Variants in CRY1 observed in about 807,000 individuals in gnomAD.
CRY1 encodes the protein cryptochrome circadian regulator 1, also known as cryptochrome-1.
A neutral mutation model predicts 76.0 loss-of-function variants in CRY1; 45 were observed. That is an observed-to-expected ratio of 0.59 (90% CI 0.47 to 0.76). CRY1 has a LOEUF of 0.76. Ranked by LOEUF, CRY1 falls within the 30% of genes least tolerant of loss-of-function variation. The pLI is 0.00. For synonymous variants in CRY1, 248 were observed against 244.0 expected, an observed-to-expected ratio of 1.02 and a Z score of -0.15; for missense variants, 587 against 716.4, an observed-to-expected ratio of 0.82 and a Z score of 2.06.
chr12:106,997,846 T>C (rs763365981), intron 8 of CRY1, 69 bp downstream of exon 8: 113 of 1,570,800 alleles, frequency 7.2e-5, no homozygotes, highest in Admixed American at 1.8e-5. Context: ...ACTTTAAGCA[T>C]TGATTAAACA....
chr12:107,045,308 C>A (rs1190296756), intron 1 of CRY1, among the ~76,000 whole-genome samples: 1 of 152,064 alleles, frequency 6.6e-6, no homozygotes, highest in African/African-American at 2.4e-5. Context: ...GAAATAAAAT[C>A]TTTCCCAGAC....
At chr12:107,001,191 CTATT>C (rs1566241953) in intron 5 of CRY1, 85 bp downstream of exon 5, 4 of 950,802 alleles carry the variant, frequency 4.2e-6, no homozygotes, top group South Asian at 1.6e-5. Context: ...TTTCAACAAT[CTATT>C]TGTTATTTTT....
chr12:107,080,949 A>T (rs897305648), intron 1 of CRY1, among the ~76,000 whole-genome samples: 1 of 152,114 alleles, frequency 6.6e-6, no homozygotes, highest in Non-Finnish European at 1.5e-5. Context: ...ATTTGATCTT[A>T]AGCATGTTTA....
At position 107,045,583 on chromosome 12, in the gene CRY1, G is replaced by A. The variant is rs146142247; in HGVS notation, c.159-23391C>T. 2.9e-3 allele frequency among the ~76,000 whole-genome samples: 437 copies of A among 152,294 alleles called. 5 individuals carry two copies. The East Asian group carries it at 0.044, about 15-fold the overall frequency. ...AAGTCCTTGCCCATGCCTATGTCCC[G>A]AATGGTATTGCCTAGGTTTTCTTCT... On this transcript the variant is annotated intron_variant, in intron 1 of 12. Transcript: ENST00000008527.
intron 1 of CRY1, among the ~76,000 whole-genome samples, chr12:107,036,685 CT>C (rs935480083): frequency 3.3e-5 from 5 of 152,012 alleles, no homozygotes; most frequent in African/African-American, 1.2e-4. Flanking sequence ...TACTACTCTC[CT>C]TCTCACTCAC....
chr12:107,083,252 C>G (rs950834555), intron 1 of CRY1, among the ~76,000 whole-genome samples: 2 of 152,168 alleles, frequency 1.3e-5, no homozygotes, highest in African/African-American at 4.8e-5. Flanking sequence ...CAGCCAAATT[C>G]TACCAGAGGT....
rs773500175 is a variant in CRY1, at chr12:107,092,989, G to T, written c.-28C>A. 4 of 1,507,836 alleles carry T rather than the reference G, an allele frequency of 2.7e-6. No individual in the cohort carries two copies. The highest frequency in any genetic ancestry group is 4.7e-5 in the East Asian group (2 of 42,986). 93.4% of individuals were successfully genotyped at this position (1,507,836 alleles called of 1,614,324 possible). On this transcript the variant is annotated 5_prime_UTR_variant, in exon 1 of 13. Transcript: ENST00000008527. ...CGGGGGGCGCGGCGGGTCCTCCACG[G>T]AGAAATTCAAGGAAGGAGGCTCCGG...
chr12:107,015,381 C>G (rs1353693726), intron 2 of CRY1, among the ~76,000 whole-genome samples: 1 of 151,520 alleles, frequency 6.6e-6, no homozygotes, highest in Non-Finnish European at 1.5e-5. Flanking sequence ...ACTCTGTTGC[C>G]CAGGCTGGAG....
rs1161673914 is a variant in CRY1 at position 107,093,547 on chromosome 12, T to TCTGCCG, written c.-587_-586insCGGCAG. ...CCGGTCCCGAGGCTGCCCGGGTGAC[T>TCTGCCG]CTGCCGCCGCCGCCGCGTCAGCGGC... On this transcript the variant is annotated 5_prime_UTR_variant, in exon 1 of 13. Transcript: ENST00000008527. 1.3e-5 allele frequency: 2 copies of TCTGCCG among 152,328 alleles called. No individual in the cohort carries two copies. The highest frequency in any genetic ancestry group is 2.9e-5 in the Non-Finnish European group (2 of 68,144). 9.4% of individuals were successfully genotyped at this position (152,328 alleles called of 1,614,324 possible). A position where few individuals can be genotyped will look rare whatever the true frequency, so the allele number is the denominator to read the frequency against.
intron 1 of CRY1, among the ~76,000 whole-genome samples, chr12:107,028,092 A>G (rs908297487): frequency 2.0e-5 from 3 of 152,212 alleles, no homozygotes; most frequent in Non-Finnish European, 4.4e-5. Flanking sequence ...CTAAAACTAC[A>G]AGGAGAATAA....
chr12:107,056,563 T>A (rs1952984734), intron 1 of CRY1, among the ~76,000 whole-genome samples: 1 of 151,384 alleles, frequency 6.6e-6, no homozygotes, highest in East Asian at 1.9e-4. Flanking sequence ...CAAAACATTA[T>A]GAGATTTAAG....
chr12:107,083,918 T>C (rs1953361673), intron 1 of CRY1, among the ~76,000 whole-genome samples: 1 of 152,214 alleles, frequency 6.6e-6, no homozygotes, highest in Non-Finnish European at 1.5e-5. Context: ...GCAGATGACA[T>C]GATTGTATAT....
chr12:107,026,776 T>TG (rs1952621127), intron 1 of CRY1, among the ~76,000 whole-genome samples: 1 of 151,348 alleles, frequency 6.6e-6, no homozygotes, highest in Non-Finnish European at 1.5e-5. Context: ...CCTGTTTTTT[T>TG]TTTTTTTTTT....
intron 1 of CRY1, among the ~76,000 whole-genome samples, chr12:107,043,687 T>C (rs1044962826): frequency 4.6e-5 from 7 of 152,168 alleles, no homozygotes; most frequent in African/African-American, 1.7e-4. Flanking sequence ...CCCTTGATGG[T>C]GGGGTCAGAA....
rs537920670 is a variant in CRY1 at position 107,064,089 on chromosome 12, T to C, written c.158+28715A>G. 7.2e-5 allele frequency among the ~76,000 whole-genome samples: 11 copies of C among 152,326 alleles called. No homozygotes were observed. The South Asian group carries it at 1.9e-3, about 26-fold the overall frequency. On this transcript the variant is annotated intron_variant, in intron 1 of 12. Transcript: ENST00000008527. ...CTCAAAAAGGGTTATGAGAGAACTT[T>C]CTGTAATTATAGAAATATTCTATTA...
intron 1 of CRY1, among the ~76,000 whole-genome samples, chr12:107,048,119 C>T (rs549980008): frequency 3.3e-5 from 5 of 150,024 alleles, no homozygotes; most frequent in East Asian, 3.9e-4. Context: ...CTTGCTCTGT[C>T]GCCCAGGCTG....
At chr12:107,026,587 C>G (rs1423467232) in intron 1 of CRY1, among the ~76,000 whole-genome samples, 1 of 152,020 alleles carries the variant, frequency 6.6e-6, no homozygotes, top group East Asian at 1.9e-4. Context: ...GCAAACAAAT[C>G]TCATTATGTG....
At chr12:106,999,904 T>G (rs781180225) in intron 6 of CRY1, 38 bp downstream of exon 6, 66 of 1,587,240 alleles carry the variant, frequency 4.2e-5, no homozygotes, top group Non-Finnish European at 5.5e-5. Flanking sequence ...AATTTTTTTT[T>G]AAAGTATTAA....
At chr12:107,048,001 G>T (rs1952869696) in intron 1 of CRY1, among the ~76,000 whole-genome samples, 2 of 151,640 alleles carry the variant, frequency 1.3e-5, no homozygotes, top group South Asian at 4.2e-4. Context: ...CAAACCAATA[G>T]GTAGACTAAT....
Sources: gnomAD v4.1 joint callset for allele counts (sites outside exome capture counted in the v4.1 genomes callset) on GRCh38, gnomAD v4.1.1 for gene constraint, MANE v1.5 for transcripts, NCBI Gene and HGNC (gene_info 2026-07-23, HGNC 2026-07-21) for gene names.